TEX14: variants seen among roughly 807,000 people sequenced by gnomAD.
TEX14 encodes the protein inactive serine/threonine-protein kinase TEX14.
TEX14 carries 168 observed loss-of-function variants against 178.6 expected under a neutral mutation model. The observed-to-expected ratio is 0.94, with a 90% CI of 0.83 to 1.07. TEX14 has a LOEUF of 1.07. Ranked by LOEUF, TEX14 falls within the 50% of genes least tolerant of loss-of-function variation. The pLI is 0.00. For missense variants in TEX14, 1,730 were observed against 1,753.6 expected (o/e 0.99, Z 0.24); for synonymous variants, 626 against 634.1 (o/e 0.99, Z 0.19).
At chr17:58,676,740 C>T (rs942234546) in intron 1 of TEX14, among the ~76,000 whole-genome samples, 2 of 152,130 alleles carry the variant, frequency 1.3e-5, no homozygotes, top group Non-Finnish European at 2.9e-5. Flanking sequence ...AATCCCAGCA[C>T]CTTGAGAGGC....
intron 1 of TEX14, among the ~76,000 whole-genome samples, chr17:58,684,487 A>AT (rs2143582452): frequency 6.6e-6 from 1 of 150,644 alleles, no homozygotes; most frequent in African/African-American, 2.4e-5. Context: ...TTGCTTCCAT[A>AT]TTAGCCGGGC....
intron 5 of TEX14, among the ~76,000 whole-genome samples, chr17:58,618,089 A>G (rs2045915418): frequency 6.6e-6 from 1 of 152,228 alleles, no homozygotes; most frequent in Non-Finnish European, 1.5e-5. Flanking sequence ...TCAGATGAAT[A>G]CAGCCCTAAC....
At chr17:58,575,491 T>C (rs1406602799) in intron 21 of TEX14, among the ~76,000 whole-genome samples, 1 of 152,238 alleles carries the variant, frequency 6.6e-6, no homozygotes, top group Non-Finnish European at 1.5e-5. Flanking sequence ...GGGGTTGAGT[T>C]GTGACTTTAT....
At chr17:58,578,465 A>C (rs2044732278) in intron 20 of TEX14, among the ~76,000 whole-genome samples, 1 of 152,018 alleles carries the variant, frequency 6.6e-6, no homozygotes, top group Non-Finnish European at 1.5e-5. Flanking sequence ...TGCATCCTGT[A>C]CCCCTGTTGT....
intron 1 of TEX14, among the ~76,000 whole-genome samples, chr17:58,685,243 G>A (rs1362317088): frequency 6.6e-6 from 1 of 151,914 alleles, no homozygotes; most frequent in Non-Finnish European, 1.5e-5. Flanking sequence ...AGATCAGCCT[G>A]GCCAACATGG....
chr17:58,677,988 A>G (rs1045749302), intron 1 of TEX14, among the ~76,000 whole-genome samples: 2 of 152,142 alleles, frequency 1.3e-5, no homozygotes, highest in Admixed American at 6.6e-5. Flanking sequence ...CATCTCTACT[A>G]AAAATACAAA....
At chr17:58,565,950 A>T in intron 26 of TEX14, 126 bp from the exon 27 acceptor site, 1 of 700,994 alleles carries the variant, frequency 1.4e-6, no homozygotes, top group Non-Finnish European at 2.4e-6. Flanking sequence ...GGAACTCGTT[A>T]GGAATGCAAA....
At chr17:58,646,075 C>T (rs960617837) in intron 2 of TEX14, among the ~76,000 whole-genome samples, 17 of 151,840 alleles carry the variant, frequency 1.1e-4, no homozygotes, top group African/African-American at 4.1e-4. Flanking sequence ...ATTTTTGATA[C>T]TTGGTTGGTT....
At chr17:58,621,601 G>C in intron 5 of TEX14, 49 bp downstream of exon 5, 1 of 1,553,912 alleles carries the variant, frequency 6.4e-7, no homozygotes, top group East Asian at 2.3e-5. Flanking sequence ...CTCCCACGAG[G>C]AAGGCTGGGT....
At chr17:58,572,820 A>G (rs2044569933) in intron 23 of TEX14, among the ~76,000 whole-genome samples, 1 of 152,252 alleles carries the variant, frequency 6.6e-6, no homozygotes, top group Non-Finnish European at 1.5e-5. Context: ...TGCTGGTTGC[A>G]TATGGTTGCA....
At chr17:58,685,294 A>G (rs159980) in intron 1 of TEX14, among the ~76,000 whole-genome samples, 97,901 of 151,670 alleles carry the variant, frequency 0.65, 32,365 homozygotes, top group African/African-American at 0.78. Context: ...AAATTAGCTG[A>G]GTGTGGTGGT....
intron 28 of TEX14, among the ~76,000 whole-genome samples, chr17:58,563,658 T>TATATATATATATAGAG (rs1351647352): frequency 5.7e-5 from 1 of 17,492 alleles, no homozygotes; most frequent in Non-Finnish European, 8.7e-5. Flanking sequence ...TATATATATA[T>TATATATATATATAGAG]AGAGAGAGAG....
In TEX14 at chr17:58,630,557, G is replaced by T. The variant is rs1183478454; in HGVS notation, c.137-3C>A. 6.2e-7 allele frequency: 1 copy of T among 1,602,288 alleles called. No homozygotes were observed. The highest frequency in any genetic ancestry group is 2.2e-5 in the East Asian group (1 of 44,804). On this transcript the variant is annotated splice_polypyrimidine_tract_variant and splice_region_variant and intron_variant, in intron 2 of 31. Transcript: ENST00000349033. Reference sequence around the variant, plus strand: ...GTTAACTGCATCAACATAAATTCCTGCAAAGGAAATATCAGAATCAATGCA... The same window carrying T: ...GTTAACTGCATCAACATAAATTCCTTCAAAGGAAATATCAGAATCAATGCA...
At chr17:58,572,629 C>CT (rs1293180424) in intron 23 of TEX14, among the ~76,000 whole-genome samples, 3 of 138,400 alleles carry the variant, frequency 2.2e-5, no homozygotes, top group African/African-American at 8.0e-5. Flanking sequence ...GAGACTCTGT[C>CT]TTTAAAAAAA....
rs191595453 is a variant in TEX14 at position 58,644,774 on chromosome 17, T to C, written c.136+7092A>G. Among the ~76,000 whole-genome samples the C allele has an allele frequency of 1.2e-4, 17 of 145,406 alleles. 1 individual carries two copies. Among genetic ancestry groups the C allele is most frequent in the African/African-American group, 4.3e-4 (17 of 39,336 alleles). On this transcript the variant is annotated intron_variant, in intron 2 of 31. Transcript: ENST00000349033. ...TCTCCTGCCTCAGCCTCCCAAGTAG[T>C]TGGGATTATGGGATTATAGGCGCCC...
chr17:58,659,642 AT>A (rs969692262), intron 1 of TEX14, among the ~76,000 whole-genome samples: 1 of 151,922 alleles, frequency 6.6e-6, no homozygotes, highest in African/African-American at 2.4e-5. Context: ...GTGATAAGAA[AT>A]TTTTTTTCTT....
chr17:58,645,829 G>A (rs1037660206), intron 2 of TEX14, among the ~76,000 whole-genome samples: 7 of 152,166 alleles, frequency 4.6e-5, no homozygotes, highest in African/African-American at 1.7e-4. Context: ...TCCCATACCA[G>A]TAAAATCCAA....
chr17:58,659,574 C>CT (rs2047064304), intron 1 of TEX14, among the ~76,000 whole-genome samples: 1 of 152,190 alleles, frequency 6.6e-6, no homozygotes, highest in African/African-American at 2.4e-5. Context: ...ACTGAACTCC[C>CT]TTACGGATCG....
rs2045379969 is a variant in TEX14 at position 58,599,633 on chromosome 17, A to G, written c.1712T>C (p.Leu571Ser). 1 of 1,613,668 alleles carries G rather than the reference A, an allele frequency of 6.2e-7. No individual in the cohort carries two copies. The highest frequency in any genetic ancestry group is 8.5e-7 in the Non-Finnish European group (1 of 1,179,952). Reference protein sequence around the residue: ...SQPHSPRVHSLFTEGTLDPQA... With the variant: ...SQPHSPRVHSSFTEGTLDPQA... ...AGGATCTAGTGTCCCCTCAGTGAAT[A>G]AAGAGTGAACCCTTGGTGAATGAGG... Residue 571 changes from leucine to serine, a missense_variant, in exon 14 of 32, where the codon TTA (leucine) becomes TCA (serine). Physicochemically the swap from Leu to Ser is moderately radical, Grantham distance 145. Around this residue, in one of 2 missense-constraint regions of TEX14, gnomAD observed 941 missense variants for 1,072.4 expected, o/e 0.88. Transcript: ENST00000349033.
Sources: allele counts gnomAD v4.1 joint callset (sites outside exome capture counted in the v4.1 genomes callset), GRCh38; gene constraint gnomAD v4.1.1; regional missense constraint gnomAD v4.1.1; transcripts MANE v1.5; gene names NCBI Gene and HGNC (gene_info 2026-07-23, HGNC 2026-07-21).